The following KYNU variants were observed in gnomAD, a reference collection of about 807,000 sequenced individuals.
The protein encoded by KYNU is L-kynurenine hydrolase.
A neutral mutation model predicts 59.2 loss-of-function variants in KYNU; 54 were observed. The ratio of observed to expected loss-of-function variants is 0.91; its 90% CI spans 0.73 to 1.14. The LOEUF is 1.14. Among genes scored for constraint, KYNU ranks in the 50% most tolerant of loss-of-function variants. The pLI is 0.00. For missense variants in KYNU, 567 were observed against 554.4 expected (o/e 1.02, Z -0.23); for synonymous variants, 177 against 192.0 (o/e 0.92, Z 0.65).
At chr2:142,905,308 G>A (rs918518604) in intron 2 of KYNU, among the ~76,000 whole-genome samples, 14 of 152,332 alleles carry the variant, frequency 9.2e-5, no homozygotes, top group Non-Finnish European at 1.5e-4. Context: ...AGGCTTGGCT[G>A]AGTGCAAACA....
At chr2:142,917,565 G>A (rs973647470) in intron 2 of KYNU, among the ~76,000 whole-genome samples, 2 of 152,142 alleles carry the variant, frequency 1.3e-5, no homozygotes, top group African/African-American at 4.8e-5. Context: ...GCCTCCAAAA[G>A]TGCCGGGATT....
chr2:143,029,597 A>G (rs752570528), intron 10 of KYNU, 30 bp from the exon 11 acceptor site: 2 of 1,555,298 alleles, frequency 1.3e-6, no homozygotes, highest in African/African-American at 1.4e-5. Context: ...AAAAACCCCC[A>G]AAAACCTAAT....
At chr2:142,927,619 A>G in intron 3 of KYNU, 40 bp from the exon 4 acceptor site, 1 of 1,442,540 alleles carries the variant, frequency 6.9e-7, no homozygotes, top group Non-Finnish European at 9.8e-7. Context: ...ACACATGCAC[A>G]TAAAAGCTAA....
intron 4 of KYNU, among the ~76,000 whole-genome samples, chr2:142,943,007 GTACATGC>G (rs1188976551): frequency 6.6e-6 from 1 of 152,180 alleles, no homozygotes; most frequent in Non-Finnish European, 1.5e-5. Context: ...GCCTCTTAAT[GTACATGC>G]TTGAGCCCAC....
intron 2 of KYNU, among the ~76,000 whole-genome samples, chr2:142,886,251 G>C (rs991186092): frequency 6.6e-6 from 1 of 152,118 alleles, no homozygotes; most frequent in Non-Finnish European, 1.5e-5. Context: ...ACTGGGTTTC[G>C]CATCCTTTAT....
chr2:143,034,787 G>C (rs1192919002), intron 12 of KYNU, among the ~76,000 whole-genome samples: 2 of 152,126 alleles, frequency 1.3e-5, no homozygotes, highest in Non-Finnish European at 1.5e-5. Context: ...TAAAGTTTCT[G>C]CATTCCTTGC....
chr2:142,962,054 T>C (rs1428926552), intron 8 of KYNU, among the ~76,000 whole-genome samples: 1 of 152,178 alleles, frequency 6.6e-6, no homozygotes, highest in Non-Finnish European at 1.5e-5. Context: ...ACAAAAGATA[T>C]AAAGATAATG....
At chr2:142,885,600 T>C (rs1681483133) in intron 2 of KYNU, 64 bp downstream of exon 2, 19 of 1,326,174 alleles carry the variant, frequency 1.4e-5, no homozygotes, top group Non-Finnish European at 2.0e-5. Flanking sequence ...TGCATGTGTT[T>C]ATTATAATCT....
Position 143,046,959 on chromosome 2 carries a change from C to A in KYNU, c.*4787C>A, listed in dbSNP as rs1363903370. The A allele has an allele frequency of 2.0e-5, 3 of 152,098 alleles. No individual in the cohort carries two copies. Among genetic ancestry groups the A allele is most frequent in the African/African-American group, 4.8e-5 (2 of 41,428 alleles). The allele number at this position is 152,098 out of a possible 1,614,324, so 9.4% of individuals were successfully genotyped here. A position where few individuals can be genotyped will look rare whatever the true frequency, so the allele number is the denominator to read the frequency against. ...ATTTATTTTCATTTATTTATGATTT[C>A]TTTAATGCTTCTCAAAATTTTTTAT... is the stretch of plus-strand genomic sequence containing the variant. On this transcript the variant is annotated 3_prime_UTR_variant, in exon 14 of 14. Transcript: ENST00000264170.
intron 2 of KYNU, among the ~76,000 whole-genome samples, chr2:142,912,423 A>G (rs1267685285): frequency 3.2e-5 from 4 of 124,318 alleles, no homozygotes; most frequent in African/African-American, 1.3e-4. Flanking sequence ...CGTGTTGCCC[A>G]GGCTGGAGTG....
At chr2:142,915,452 A>T (rs1682636572) in intron 2 of KYNU, among the ~76,000 whole-genome samples, 1 of 152,232 alleles carries the variant, frequency 6.6e-6, no homozygotes. Flanking sequence ...TCCTGAACTT[A>T]AGTCAAGCAT....
chr2:143,003,877 T>C (rs1283178912), intron 10 of KYNU, among the ~76,000 whole-genome samples: 1 of 149,512 alleles, frequency 6.7e-6, no homozygotes, highest in Non-Finnish European at 1.5e-5. Flanking sequence ...AGAGTGGAGC[T>C]GATGAATAAA....
rs1034061097 is a variant in KYNU, at chr2:143,045,469, G to A, written c.*3297G>A. 6.6e-6 allele frequency: 1 copy of A among 152,098 alleles called. No individual in the cohort carries two copies. The highest frequency in any genetic ancestry group is 2.4e-5 in the African/African-American group (1 of 41,432). 9.4% of individuals were successfully genotyped at this position (152,098 alleles called of 1,614,324 possible). A position where few individuals can be genotyped will look rare whatever the true frequency, so the allele number is the denominator to read the frequency against. Reference sequence around the variant, plus strand: ...TTGATTCTTCCTATCTATGAGCATGGAATGTTTTTCCATTTGTTTGTGTCC... The same window carrying A: ...TTGATTCTTCCTATCTATGAGCATGAAATGTTTTTCCATTTGTTTGTGTCC... On this transcript the variant is annotated 3_prime_UTR_variant, in exon 14 of 14. Coordinates refer to ENST00000264170, the MANE Select transcript of KYNU (RefSeq NM_003937.3).
At chr2:142,911,992 G>A (rs6429994) in intron 2 of KYNU, among the ~76,000 whole-genome samples, 12 of 151,858 alleles carry the variant, frequency 7.9e-5, no homozygotes, top group African/African-American at 1.2e-4. Context: ...ATATTGACCC[G>A]TAATTTTGTT....
At chr2:143,040,301 T>C in intron 12 of KYNU, 127 bp from the exon 13 acceptor site, 2 of 695,820 alleles carry the variant, frequency 2.9e-6, no homozygotes, top group East Asian at 5.4e-5. Flanking sequence ...AAAAAGATTA[T>C]GTAAAGGGAG....
intron 2 of KYNU, among the ~76,000 whole-genome samples, chr2:142,891,079 G>T (rs1681695050): frequency 6.6e-6 from 1 of 151,890 alleles, no homozygotes; most frequent in Admixed American, 6.6e-5. Context: ...ACCAGAAATG[G>T]GTTCCAAATA....
intron 13 of KYNU, among the ~76,000 whole-genome samples, chr2:143,041,361 CA>C (rs1214037966): frequency 6.6e-6 from 1 of 152,006 alleles, no homozygotes; most frequent in Non-Finnish European, 1.5e-5. Flanking sequence ...GTTTCTAAAT[CA>C]AACTCTGCTG....
At chr2:143,000,186 T>C (rs1685671666) in intron 10 of KYNU, among the ~76,000 whole-genome samples, 1 of 152,172 alleles carries the variant, frequency 6.6e-6, no homozygotes, top group Non-Finnish European at 1.5e-5. Flanking sequence ...GGCAGAAAAC[T>C]ATGTGAGTCT....
intron 4 of KYNU, among the ~76,000 whole-genome samples, chr2:142,952,964 A>G (rs933703620): frequency 6.6e-6 from 1 of 152,074 alleles, no homozygotes; most frequent in African/African-American, 2.4e-5. Flanking sequence ...GATGTGTGCA[A>G]ATAACAGGGA....
Sources: gnomAD v4.1 joint callset for allele counts (sites outside exome capture counted in the v4.1 genomes callset) on GRCh38, gnomAD v4.1.1 for gene constraint, MANE v1.5 for transcripts, NCBI Gene and HGNC (gene_info 2026-07-23, HGNC 2026-07-21) for gene names.